TRPA1: variants seen among roughly 807,000 people sequenced by gnomAD.
The protein encoded by TRPA1 is ankyrin-like with transmembrane domains 1.
In TRPA1, 129 loss-of-function variants were observed where a neutral mutation model predicts 131.3. The observed-to-expected ratio is 0.98, with a 90% CI of 0.85 to 1.14. The LOEUF is 1.14. TRPA1 is among the 50% of genes most tolerant of loss of function. TRPA1 has a pLI of 0.00. For missense variants in TRPA1, 1,304 were observed against 1,354.2 expected (o/e 0.96, Z 0.58); for synonymous variants, 441 against 451.7 (o/e 0.98, Z 0.30).
intron 23 of TRPA1, among the ~76,000 whole-genome samples, chr8:72,030,409 G>A (rs1811772663): frequency 6.6e-6 from 1 of 152,170 alleles, no homozygotes; most frequent in African/African-American, 2.4e-5. Context: ...CAAGGCCTCT[G>A]TGGCTAAAGT....
chr8:72,065,895 G>C (rs996613951), intron 3 of TRPA1, among the ~76,000 whole-genome samples: 1 of 152,078 alleles, frequency 6.6e-6, no homozygotes, highest in Non-Finnish European at 1.5e-5. Flanking sequence ...AATATTTTCA[G>C]GAAAATAAAT....
chr8:72,026,081 G>C lies in TRPA1; in HGVS notation c.2938-8C>G, dbSNP rs888941922. On this transcript the variant is annotated splice_region_variant and splice_polypyrimidine_tract_variant and intron_variant, in intron 24 of 26. Transcript: ENST00000262209. ...GCTGGTATGAAGTTCCACCTAAAGTGCATTTTGGATTTATTGATAGAATCA... is the reference window on the plus strand; with the variant it reads ...GCTGGTATGAAGTTCCACCTAAAGTCCATTTTGGATTTATTGATAGAATCA... The C allele has an allele frequency of 8.7e-6, 14 of 1,608,804 alleles. No homozygotes were observed. Among genetic ancestry groups the C allele is most frequent in the Non-Finnish European group, 1.2e-5 (14 of 1,175,494 alleles).
intron 25 of TRPA1, 75 bp from the exon 26 acceptor site, chr8:72,023,986 C>A (rs1049416360): frequency 2.1e-6 from 2 of 949,948 alleles, no homozygotes; most frequent in South Asian, 1.3e-5. Context: ...TGCCAAAATT[C>A]AACCACCACT....
chr8:72,050,732 T>C (rs764201872), intron 15 of TRPA1, 46 bp downstream of exon 15: 2 of 1,236,542 alleles, frequency 1.6e-6, no homozygotes, highest in South Asian at 1.2e-5. Flanking sequence ...TACAACAACA[T>C]ATGTCAAGCA....
At chr8:72,031,308 G>A (rs1421135410) in intron 23 of TRPA1, among the ~76,000 whole-genome samples, 1 of 152,192 alleles carries the variant, frequency 6.6e-6, no homozygotes, top group Non-Finnish European at 1.5e-5. Flanking sequence ...GCCAGGCGCA[G>A]CATTTTACAT....
chr8:72,063,346 CT>C, intron 5 of TRPA1, 116 bp downstream of exon 5: 1 of 738,286 alleles, frequency 1.4e-6, no homozygotes, highest in African/African-American at 1.8e-5. Context: ...CACCACTGCA[CT>C]CCAGCCTGGG....
rs372353579 is a variant in TRPA1 at position 72,052,756 on chromosome 8, G to A, written c.1654C>T (p.Leu552Phe). Residue 552 changes from leucine to phenylalanine, a missense_variant, in exon 14 of 27, where the codon CTT (leucine) becomes TTT (phenylalanine). Physicochemically the swap from Leu to Phe is conservative, Grantham distance 22 (BLOSUM62 0). Transcript: ENST00000262209. ...TGGCCTTCCCTTGCAGCAAAGTGAAGTGCAGTGTTCTTTTGAAGAAAAACA... is the reference window on the plus strand; with the variant it reads ...TGGCCTTCCCTTGCAGCAAAGTGAAATGCAGTGTTCTTTTGAAGAAAAACA... The part of the protein sequence containing the change: ...DRLDEDGNTA[L>F]HFAAREGHAK... 3.2e-5 allele frequency: 52 copies of A among 1,612,866 alleles called. No homozygotes were observed. The highest frequency in any genetic ancestry group is 3.8e-5 in the Non-Finnish European group (45 of 1,179,820).
rs577587281 is a variant in TRPA1, at chr8:72,022,638, T to G, written c.*268A>C. 4 of 526,438 alleles carry G rather than the reference T, an allele frequency of 7.6e-6. No homozygotes were observed. The African/African-American group carries it at 7.6e-5, about 10-fold the overall frequency. The allele number at this position is 526,438 out of a possible 1,614,324, so 32.6% of individuals were successfully genotyped here. ...AAAATGTGTGTTCTAGCAAATTCAT[T>G]TTCTACCCATTCAAATAATGAGATT... On this transcript the variant is annotated 3_prime_UTR_variant, in exon 27 of 27. Coordinates refer to ENST00000262209, the MANE Select transcript of TRPA1 (RefSeq NM_007332.3).
In TRPA1 at chr8:72,052,458, T is replaced by TA. The variant is rs1023116057; in HGVS notation, c.1811+140dup. ...ATAAAAATAAAAAATAAAAAACCTT[T>TA]AAAAAATTGATGTAAACAACTGATA... On this transcript the variant is annotated intron_variant, in intron 14 of 26. Coordinates refer to ENST00000262209, the MANE Select transcript of TRPA1 (RefSeq NM_007332.3). 4 of 996,496 alleles carry TA rather than the reference T, an allele frequency of 4.0e-6. No individual in the cohort carries two copies. The African/African-American group carries it at 5.0e-5, about 12-fold the overall frequency. 61.7% of individuals were successfully genotyped at this position (996,496 alleles called of 1,614,324 possible).
At chr8:72,066,674 T>G (rs1805938649) in intron 3 of TRPA1, among the ~76,000 whole-genome samples, 1 of 152,158 alleles carries the variant, frequency 6.6e-6, no homozygotes, top group Non-Finnish European at 1.5e-5. Context: ...TCCATGGACT[T>G]TAGGCATCAT....
At chr8:72,081,000 T>C in the TRPA1 span, among the ~76,000 whole-genome samples, 1 of 151,830 alleles carries the variant, frequency 6.6e-6, no homozygotes, top group Non-Finnish European at 1.5e-5. Context: ...TTTGATTTTA[T>C]TGATTTTCTC....
chr8:72,035,643 TC>T (rs756778956), intron 21 of TRPA1, among the ~76,000 whole-genome samples: 29 of 152,304 alleles, frequency 1.9e-4, no homozygotes, highest in Middle Eastern at 3.4e-3. Flanking sequence ...CAGGCTTTTT[TC>T]CCTGTCTAGA....
At chr8:72,084,345 T>A in the TRPA1 span, among the ~76,000 whole-genome samples, 1 of 152,138 alleles carries the variant, frequency 6.6e-6, no homozygotes, top group Non-Finnish European at 1.5e-5. Flanking sequence ...AGTATCCTCA[T>A]AAATTTCTAA....
intron 12 of TRPA1, chr8:72,055,176 G>A (rs1479757861): frequency 2.4e-6 from 1 of 422,744 alleles, no homozygotes; most frequent in Non-Finnish European, 4.1e-6. Context: ...ACTGCACAAA[G>A]CCAATTATTC....
At chr8:72,057,988 G>A (rs1272786269) in intron 8 of TRPA1, among the ~76,000 whole-genome samples, 172 bp from the exon 9 acceptor site, 1 of 152,094 alleles carries the variant, frequency 6.6e-6, no homozygotes, top group Non-Finnish European at 1.5e-5. Context: ...TTCATATGTT[G>A]TATCATCAGA....
At chr8:72,031,097 A>C (rs1156663379) in intron 23 of TRPA1, among the ~76,000 whole-genome samples, 2 of 152,216 alleles carry the variant, frequency 1.3e-5, no homozygotes, top group East Asian at 3.8e-4. Flanking sequence ...AGGGTACATA[A>C]TAGGTAAACA....
At chr8:72,039,086 A>G in intron 18 of TRPA1, 59 bp from the exon 19 acceptor site, 1 of 1,561,856 alleles carries the variant, frequency 6.4e-7, no homozygotes, top group East Asian at 2.2e-5. Flanking sequence ...TTTACTTAAG[A>G]TACCTGGGGA....
chr8:72,038,982 G>A lies in TRPA1; in HGVS notation c.2178C>T (p.Tyr726=), dbSNP rs759603074. The change falls in exon 19 of 27, where the codon TAC becomes TAT. Residue 726 remains tyrosine, a synonymous_variant. Coordinates refer to ENST00000262209, the MANE Select transcript of TRPA1 (RefSeq NM_007332.3). ...FRAHMMNLGS[Y]CLGLIPMTIL... ...TGGTCATAGGTATGAGACCAAGACA[G>A]TAAGATCCTAAATTCATCATATGAG... 2.5e-6 allele frequency: 4 copies of A among 1,612,920 alleles called. No homozygotes were observed. The South Asian group carries it at 4.4e-5, about 18-fold the overall frequency.
chr8:72,046,874 A>G (rs1231782284), intron 16 of TRPA1, among the ~76,000 whole-genome samples: 1 of 152,044 alleles, frequency 6.6e-6, no homozygotes, highest in Non-Finnish European at 1.5e-5. Context: ...GATCATTTAG[A>G]TCTTTTAGAT....
Sources: gnomAD v4.1 joint callset for allele counts (sites outside exome capture counted in the v4.1 genomes callset) on GRCh38, gnomAD v4.1.1 for gene constraint, MANE v1.5 for transcripts, NCBI Gene and HGNC (gene_info 2026-07-23, HGNC 2026-07-21) for gene names.